The following UBE3A variants were observed in gnomAD, a reference collection of about 807,000 sequenced individuals.
UBE3A encodes ubiquitin-protein ligase E3A.
Under a neutral mutation model 83.4 loss-of-function variants are expected in UBE3A, and 6 were observed. The ratio of observed to expected loss-of-function variants is 0.07; its 90% CI spans 0.04 to 0.14. The LOEUF is 0.14. Among genes scored for constraint, UBE3A ranks in the 10% least tolerant of loss-of-function variants. The probability of loss-of-function intolerance (pLI) is 1.00; values close to 1 mark genes in which losing one functional copy is unlikely to be tolerated. For synonymous variants in UBE3A, 337 were observed against 355.4 expected (o/e 0.95, Z 0.58); for missense variants, 456 against 1,036.1 (o/e 0.44, Z 7.69).
chr15:25,434,190 T>C (rs1894321101), intron 1 of UBE3A, among the ~76,000 whole-genome samples: 1 of 152,348 alleles, frequency 6.6e-6, no homozygotes, highest in Admixed American at 6.5e-5. Flanking sequence ...CTGTTATTGA[T>C]AACTCAGATC....
chr15:25,367,882 C>T (rs979410035), intron 6 of UBE3A, among the ~76,000 whole-genome samples: 1 of 152,052 alleles, frequency 6.6e-6, no homozygotes, highest in Non-Finnish European at 1.5e-5. Flanking sequence ...CACTCCTCAA[C>T]AGAAAACATA....
chr15:25,399,740 A>ATTT (rs57689289), intron 4 of UBE3A, among the ~76,000 whole-genome samples: 1 of 149,960 alleles, frequency 6.7e-6, no homozygotes, highest in African/African-American at 2.4e-5. Context: ...GGCTTTAAAA[A>ATTT]TTTTTTTTTT....
intron 1 of UBE3A, among the ~76,000 whole-genome samples, chr15:25,422,824 A>C (rs1432448067): frequency 6.6e-6 from 1 of 151,410 alleles, no homozygotes; most frequent in African/African-American, 2.4e-5. Context: ...AAAAAAAAAA[A>C]AAAAACCAAC....
At chr15:25,344,925 A>G (rs904433418) in intron 11 of UBE3A, among the ~76,000 whole-genome samples, 1 of 152,162 alleles carries the variant, frequency 6.6e-6, no homozygotes, top group African/African-American at 2.4e-5. Context: ...CAGGTTCTGG[A>G]AAGATGATGA....
intron 5 of UBE3A, among the ~76,000 whole-genome samples, chr15:25,373,249 A>C (rs954067413): frequency 4.6e-5 from 7 of 152,190 alleles, no homozygotes; most frequent in African/African-American, 1.7e-4. Context: ...AATGTAACAT[A>C]ACAGAAAATA....
intron 1 of UBE3A, among the ~76,000 whole-genome samples, chr15:25,432,321 A>T (rs1302619306): frequency 6.6e-6 from 1 of 152,216 alleles, no homozygotes; most frequent in African/African-American, 2.4e-5. Flanking sequence ...TTATAAAAAT[A>T]TATGAGTTGG....
Position 25,370,277 on chromosome 15 carries a change from T to C in UBE3A, c.1608+289A>G, listed in dbSNP as rs1466104354. ...TCTTGTTCTGGTCTTTGTCCAACAC[T>C]CTATTCTCTTCTGAATGAAAGAAAC... On this transcript the variant is annotated intron_variant, in intron 6 of 12. Coordinates refer to ENST00000648336, the MANE Select transcript of UBE3A (RefSeq NM_130839.5). The surrounding 1 kb of genome is among the most constrained non-coding windows in gnomAD (Gnocchi z 4.2). Among the ~76,000 whole-genome samples the C allele has an allele frequency of 6.6e-6, 1 of 152,210 alleles. No individual in the cohort carries two copies. The highest frequency in any genetic ancestry group is 1.5e-5 in the Non-Finnish European group (1 of 68,036).
chr15:25,421,271 T>C (rs937949994), intron 1 of UBE3A, among the ~76,000 whole-genome samples: 3 of 152,098 alleles, frequency 2.0e-5, no homozygotes, highest in African/African-American at 7.2e-5. Flanking sequence ...CCTTCCACCA[T>C]GAGTAAACTC....
intron 1 of UBE3A, 35 bp from the exon 2 acceptor site, chr15:25,412,006 C>A (rs1171075465): frequency 6.6e-6 from 1 of 152,126 alleles, no homozygotes. Context: ...ATTCTTTTTA[C>A]ATAAACAACT....
chr15:25,397,999 C>T (rs1368835452), intron 4 of UBE3A, among the ~76,000 whole-genome samples: 5 of 151,858 alleles, frequency 3.3e-5, no homozygotes, highest in Admixed American at 6.6e-5. Context: ...TTCACTCATA[C>T]TCATATCTCC....
At chr15:25,377,316 A>T (rs989313858) in intron 4 of UBE3A, among the ~76,000 whole-genome samples, 2 of 152,174 alleles carry the variant, frequency 1.3e-5, no homozygotes, top group African/African-American at 4.8e-5. Flanking sequence ...TTATTTTTCA[A>T]ATGTTCCATG....
At chr15:25,350,046 G>C (rs1179004747) in intron 11 of UBE3A, among the ~76,000 whole-genome samples, 1 of 152,184 alleles carries the variant, frequency 6.6e-6, no homozygotes, top group East Asian at 1.9e-4. Flanking sequence ...TGGAAGAATT[G>C]CTAGAGTCCA....
chr15:25,344,999 A>G (rs2075441144), intron 11 of UBE3A, among the ~76,000 whole-genome samples: 1 of 152,186 alleles, frequency 6.6e-6, no homozygotes, highest in Non-Finnish European at 1.5e-5. Context: ...CTCCCCTACA[A>G]AAACAGCAAA....
chr15:25,339,961 T>TGATTTGGG, intron 12 of UBE3A, 124 bp downstream of exon 12: 1 of 1,299,632 alleles, frequency 7.7e-7, no homozygotes, highest in Non-Finnish European at 1.1e-6. Flanking sequence ...TTGTCTAATA[T>TGATTTGGG]GATTTGGGGA....
chr15:25,382,669 GCTGTTTTATTGAAAAGATCAACAAAA>G (rs2082402339), intron 4 of UBE3A, among the ~76,000 whole-genome samples: 1 of 151,750 alleles, frequency 6.6e-6, no homozygotes, highest in South Asian at 2.1e-4. Context: ...ATTAGGAGTA[GCTGTTTTATTGAAAAGATCAACAAAA>G]CTGGCAAATT....
Position 25,340,192 on chromosome 15 carries a change from T to A in UBE3A, c.2391A>T (p.Glu797Asp), listed in dbSNP as rs1243756625. Residue 797 changes from glutamate to aspartate, a missense_variant, in exon 12 of 13, where the codon GAA (glutamate) becomes GAT (aspartate). This residue lies in a region of UBE3A where 82 missense variants were observed against 199.3 expected (regional missense o/e 0.41). Transcript: ENST00000648336. ...TAAACTGCAAGAAGAGTCTTTTCTGTTCATCTGTAAATGAATGAACGATTT... is the reference window on the plus strand; with the variant it reads ...TAAACTGCAAGAAGAGTCTTTTCTGATCATCTGTAAATGAATGAACGATTT... ...FWEIVHSFTD[E>D]QKRLFLQFTT... 3 of 1,613,824 alleles carry A rather than the reference T, an allele frequency of 1.9e-6. No individual in the cohort carries two copies. The highest frequency in any genetic ancestry group is 2.5e-6 in the Non-Finnish European group (3 of 1,179,998).
chr15:25,354,181 C>T, intron 11 of UBE3A, 172 bp downstream of exon 11: 1 of 655,098 alleles, frequency 1.5e-6, no homozygotes, highest in Non-Finnish European at 2.7e-6. Context: ...AAATAAATCA[C>T]AAGATTAGCT....
At chr15:25,403,879 T>C (rs201883254) in intron 4 of UBE3A, among the ~76,000 whole-genome samples, 2 of 152,236 alleles carry the variant, frequency 1.3e-5, no homozygotes, top group African/African-American at 4.8e-5. Flanking sequence ...ATTGCACTTA[T>C]AGGGGGTACT....
intron 4 of UBE3A, among the ~76,000 whole-genome samples, chr15:25,398,420 T>C (rs1282686678): frequency 6.6e-6 from 1 of 151,974 alleles, no homozygotes; most frequent in Non-Finnish European, 1.5e-5. Context: ...TCCTCTTAAT[T>C]GAAATTTTGT....
Sources: allele counts gnomAD v4.1 joint callset (sites outside exome capture counted in the v4.1 genomes callset), GRCh38; gene constraint gnomAD v4.1.1; regional missense constraint gnomAD v4.1.1; non-coding constraint Gnocchi (gnomAD v3.1); transcripts MANE v1.5; gene names NCBI Gene and HGNC (gene_info 2026-07-23, HGNC 2026-07-21).